The following APBB2 variants were observed in gnomAD, a reference collection of about 807,000 sequenced individuals.
APBB2 encodes Fe65-like 1.
APBB2 carries 38 observed loss-of-function variants against 82.5 expected under a neutral mutation model. That is an observed-to-expected ratio of 0.46 (90% CI 0.36 to 0.60). The LOEUF is 0.60. Ranked by LOEUF, APBB2 falls within the 20% of genes least tolerant of loss-of-function variation. APBB2 has a pLI of 0.00. For synonymous variants in APBB2, 341 were observed against 368.2 expected (o/e 0.93, Z 0.85); for missense variants, 772 against 972.3 (o/e 0.79, Z 2.74).
intron 16 of APBB2, 100 bp from the exon 17 acceptor site, chr4:40,822,150 G>A (rs895331783): frequency 7.2e-7 from 1 of 1,398,554 alleles, no homozygotes; most frequent in Non-Finnish European, 9.9e-7. Flanking sequence ...TAGCCAGGCC[G>A]AATTCAGAAA....
chr4:41,195,409 C>G, intron 1 of APBB2, among the ~76,000 whole-genome samples: 95,504 of 151,928 alleles, frequency 0.63, 30,867 homozygotes, highest in African/African-American at 0.77. Flanking sequence ...AAACCGTGCT[C>G]GCTCCACTTT....
At chr4:40,864,239 T>G (rs919217422) in intron 12 of APBB2, among the ~76,000 whole-genome samples, 3 of 144,472 alleles carry the variant, frequency 2.1e-5, no homozygotes, top group Non-Finnish European at 4.7e-5. Context: ...GGCGACAGAG[T>G]GAGACTCCGT....
intron 8 of APBB2, 92 bp downstream of exon 8, chr4:40,934,985 T>G: frequency 1.2e-5 from 13 of 1,065,820 alleles, no homozygotes; most frequent in Non-Finnish European, 1.8e-5. Context: ...CCCTGCAGAA[T>G]GCATGATATT....
At chr4:40,925,338 A>T (rs4410560) in intron 10 of APBB2, among the ~76,000 whole-genome samples, 14,037 of 152,278 alleles carry the variant, frequency 0.092, 685 homozygotes, top group Middle Eastern at 0.15. Flanking sequence ...TTCAATGTTT[A>T]TAACAGCCAT....
At chr4:41,207,178 G>A (rs1056980817) in intron 1 of APBB2, among the ~76,000 whole-genome samples, 4 of 126,122 alleles carry the variant, frequency 3.2e-5, no homozygotes, top group South Asian at 2.6e-4. Flanking sequence ...CAGCCTGGGC[G>A]ACCAAGTGAG....
At chr4:41,156,680 G>T (rs540800590) in intron 1 of APBB2, among the ~76,000 whole-genome samples, 9 of 152,282 alleles carry the variant, frequency 5.9e-5, no homozygotes, top group Non-Finnish European at 1.5e-5. Flanking sequence ...TTCTGAGTCT[G>T]AGAGAAATGG....
At chr4:41,072,968 G>A (rs1734374906) in intron 3 of APBB2, among the ~76,000 whole-genome samples, 1 of 151,466 alleles carries the variant, frequency 6.6e-6, no homozygotes, top group East Asian at 1.9e-4. Flanking sequence ...AGAACAAAAG[G>A]AAAGGCTCAG....
chr4:41,037,954 T>C (rs1719889772), intron 4 of APBB2, among the ~76,000 whole-genome samples: 1 of 151,290 alleles, frequency 6.6e-6, no homozygotes, highest in Non-Finnish European at 1.5e-5. Flanking sequence ...GAGTTTAGAG[T>C]TGTTGGGGAC....
intron 12 of APBB2, among the ~76,000 whole-genome samples, chr4:40,876,780 T>C (rs1260921120): frequency 6.6e-6 from 1 of 152,216 alleles, no homozygotes; most frequent in Non-Finnish European, 1.5e-5. Flanking sequence ...GTTGGTTGAA[T>C]GTGTCGATGT....
intron 6 of APBB2, among the ~76,000 whole-genome samples, chr4:40,982,637 A>G (rs1471409466): frequency 6.6e-6 from 1 of 151,768 alleles, no homozygotes; most frequent in African/African-American, 2.4e-5. Flanking sequence ...GTCTCTACCA[A>G]AAACACAAAA....
chr4:40,871,430 C>A (rs1289752076), intron 12 of APBB2, among the ~76,000 whole-genome samples: 1 of 152,234 alleles, frequency 6.6e-6, no homozygotes, highest in Non-Finnish European at 1.5e-5. Context: ...CAGGCATGAG[C>A]CACCGCACCC....
chr4:40,826,141 T>C lies in APBB2; in HGVS notation c.1733-171A>G. ...TACAAGAGCAGCATTACTCCAGATATTGGGGCTCTGTTAAAATCCTGTTCA... is the reference window on the plus strand; with the variant it reads ...TACAAGAGCAGCATTACTCCAGATACTGGGGCTCTGTTAAAATCCTGTTCA... On this transcript the variant is annotated intron_variant, in intron 14 of 17. Coordinates refer to ENST00000508593, the MANE Select transcript of APBB2 (RefSeq NM_004307.2). The surrounding 1 kb of genome is among the most constrained non-coding windows in gnomAD (Gnocchi z 4.5). 5.0e-6 allele frequency: 3 copies of C among 606,040 alleles called. No homozygotes were observed. The highest frequency in any genetic ancestry group is 1.9e-5 in the African/African-American group (1 of 53,950). 37.5% of individuals were successfully genotyped at this position (606,040 alleles called of 1,614,324 possible).
At chr4:41,092,181 T>C (rs1316184995) in intron 3 of APBB2, among the ~76,000 whole-genome samples, 1 of 152,240 alleles carries the variant, frequency 6.6e-6, no homozygotes, top group African/African-American at 2.4e-5. Flanking sequence ...AGGAGGAGTT[T>C]AACATCTGCT....
intron 10 of APBB2, among the ~76,000 whole-genome samples, chr4:40,909,604 G>C (rs754065588): frequency 1.3e-5 from 2 of 152,160 alleles, no homozygotes; most frequent in Non-Finnish European, 2.9e-5. Context: ...TTGAGCAGAG[G>C]TGGGTTCAAC....
chr4:41,183,816 T>C (rs902528165), intron 1 of APBB2, among the ~76,000 whole-genome samples: 2 of 147,868 alleles, frequency 1.4e-5, no homozygotes, highest in Non-Finnish European at 3.0e-5. Flanking sequence ...ACAATTTTTC[T>C]ATGGACTGGG....
intron 12 of APBB2, among the ~76,000 whole-genome samples, chr4:40,836,302 C>T (rs1314265790): frequency 6.6e-6 from 1 of 152,176 alleles, no homozygotes; most frequent in South Asian, 2.1e-4. Context: ...CATGGCAAAA[C>T]ACCATCTCTA....
chr4:41,154,613 T>C (rs921360031), intron 1 of APBB2, among the ~76,000 whole-genome samples: 16 of 152,228 alleles, frequency 1.1e-4, no homozygotes, highest in African/African-American at 3.4e-4. Context: ...AACCAAGCTG[T>C]AGCCCAACTC....
chr4:40,856,392 A>C (rs888309213), intron 12 of APBB2, among the ~76,000 whole-genome samples: 4 of 152,258 alleles, frequency 2.6e-5, no homozygotes, highest in African/African-American at 9.6e-5. Context: ...TTTCTTTTCA[A>C]AAACACTACT....
At chr4:40,907,145 C>G (rs1776982503) in intron 10 of APBB2, among the ~76,000 whole-genome samples, 1 of 151,736 alleles carries the variant, frequency 6.6e-6, no homozygotes, top group African/African-American at 2.4e-5. Flanking sequence ...TGCCATTTCA[C>G]AGATGAGGAA....
Sources: gnomAD v4.1 joint callset for allele counts (sites outside exome capture counted in the v4.1 genomes callset) on GRCh38, gnomAD v4.1.1 for gene constraint, Gnocchi (gnomAD v3.1) non-coding constraint, MANE v1.5 for transcripts, NCBI Gene and HGNC (gene_info 2026-07-23, HGNC 2026-07-21) for gene names.